Variants in BLTP1 observed in about 807,000 individuals in gnomAD.
BLTP1 encodes bridge-like lipid transfer protein family member 1, also known as fragile site-associated protein.
chr4:122,305,747 T>C, the BLTP1 span: 2 of 1,356,736 alleles, frequency 1.5e-6, no homozygotes, highest in East Asian at 2.6e-5. Flanking sequence ...ATAAGGAATA[T>C]ACATTAACAG....
chr4:122,152,435 C>T, the BLTP1 span: 5 of 985,818 alleles, frequency 5.1e-6, no homozygotes, highest in South Asian at 1.4e-4. Flanking sequence ...CCCCGGGCGG[C>T]GGGGCTAAAG....
At chr4:122,339,806 A>T in the BLTP1 span, among the ~76,000 whole-genome samples, 1 of 152,214 alleles carries the variant, frequency 6.6e-6, no homozygotes, top group Non-Finnish European at 1.5e-5. Flanking sequence ...GTGTTACCTT[A>T]CAGGGATTTC....
At chr4:122,246,437 T>C in the BLTP1 span, 1 of 1,054,476 alleles carries the variant, frequency 9.5e-7, no homozygotes, top group East Asian at 2.7e-5. Flanking sequence ...TATGATCTAA[T>C]GTAGATCTAA....
At chr4:122,152,407 T>C in the BLTP1 span, 3 of 985,636 alleles carry the variant, frequency 3.0e-6, no homozygotes, top group East Asian at 2.3e-4. Flanking sequence ...GCGGCCAGGG[T>C]CTGGACCTGG....
At chr4:122,316,913 A>T in the BLTP1 span, 1 of 1,285,208 alleles carries the variant, frequency 7.8e-7, no homozygotes, top group Non-Finnish European at 1.1e-6. Flanking sequence ...TTTTAGAATC[A>T]TAAGATGTTA....
At chr4:122,222,675 C>T in the BLTP1 span, among the ~76,000 whole-genome samples, 1 of 152,004 alleles carries the variant, frequency 6.6e-6, no homozygotes, top group Non-Finnish European at 1.5e-5. Context: ...GACTGGCTGC[C>T]ACTCTCTCTC....
At chr4:122,153,965 T>A in the BLTP1 span, 2 of 980,700 alleles carry the variant, frequency 2.0e-6, no homozygotes, top group Middle Eastern at 5.2e-4. Context: ...TCAGAAATGG[T>A]TATGCTGCTC....
At chr4:122,243,015 C>T in the BLTP1 span, 2 of 1,607,712 alleles carry the variant, frequency 1.2e-6, no homozygotes, top group Non-Finnish European at 1.7e-6. Flanking sequence ...AGCAGGGGCT[C>T]ACAGCTAATT....
At chr4:122,279,820 T>A in the BLTP1 span, 8 of 1,614,088 alleles carry the variant, frequency 5.0e-6, no homozygotes, top group Non-Finnish European at 1.7e-6. Flanking sequence ...CCCTCTACAG[T>A]GCCCAAAGAG....
At chr4:122,359,646 G>T in the BLTP1 span, 1 of 1,612,886 alleles carries the variant, frequency 6.2e-7, no homozygotes, top group South Asian at 1.1e-5. Context: ...TAAAGATAGA[G>T]AAGATAGCAT....
the BLTP1 span, chr4:122,209,258 C>A: frequency 1.9e-6 from 3 of 1,612,790 alleles, no homozygotes; most frequent in Non-Finnish European, 1.7e-6. Context: ...TAAGATGATT[C>A]ATGATACTGG....
the BLTP1 span, among the ~76,000 whole-genome samples, chr4:122,267,338 C>T: frequency 2.0e-5 from 3 of 152,128 alleles, no homozygotes; most frequent in Admixed American, 1.3e-4. Context: ...GGATTACAGG[C>T]GTGAGCCATC....
chr4:122,266,870 C>G, the BLTP1 span: 1 of 1,612,144 alleles, frequency 6.2e-7, no homozygotes, highest in South Asian at 1.1e-5. Flanking sequence ...TGGAGAACAC[C>G]TTTCATTTTC....
the BLTP1 span, chr4:122,171,719 A>G: frequency 2.3e-5 from 13 of 558,416 alleles, no homozygotes; most frequent in African/African-American, 2.7e-4. Context: ...GAATATAAGT[A>G]GAGATGAAGT....
chr4:122,238,037 T>A, the BLTP1 span: 2 of 1,548,994 alleles, frequency 1.3e-6, no homozygotes, highest in Non-Finnish European at 1.7e-6. Context: ...CCATGTTTTT[T>A]ATAAACTGCT....
chr4:122,344,817 T>G, the BLTP1 span: 2 of 985,100 alleles, frequency 2.0e-6, no homozygotes, highest in Non-Finnish European at 2.4e-6. Context: ...GTTGCTTCTT[T>G]TCTTCACTTT....
At chr4:122,239,512 T>A in the BLTP1 span, 1 of 1,548,228 alleles carries the variant, frequency 6.5e-7, no homozygotes, top group Non-Finnish European at 8.8e-7. Context: ...GCTTTCTGTT[T>A]TAGTATCCCT....
the BLTP1 span, chr4:122,315,469 T>C: frequency 3.7e-6 from 6 of 1,614,016 alleles, no homozygotes; most frequent in Admixed American, 6.7e-5. Context: ...CAGAAAGCAG[T>C]AGTGCTGGAA....
chr4:122,320,341 G>C, the BLTP1 span, among the ~76,000 whole-genome samples: 1 of 151,986 alleles, frequency 6.6e-6, no homozygotes, highest in African/African-American at 2.4e-5. Flanking sequence ...TGTGGGGACA[G>C]GGTCTTGCTA....
Sources: gnomAD v4.1 joint callset for allele counts (sites outside exome capture counted in the v4.1 genomes callset) on GRCh38, gnomAD v4.1.1 for gene constraint, MANE v1.5 for transcripts, NCBI Gene and HGNC (gene_info 2026-07-23, HGNC 2026-07-21) for gene names.